The following ATG101 variants were observed in gnomAD, a reference collection of about 807,000 sequenced individuals.
The protein encoded by ATG101 is autophagy-related protein 101.
In ATG101, 6 loss-of-function variants were observed where a neutral mutation model predicts 16.7. The observed-to-expected ratio is 0.36, with a 90% CI of 0.20 to 0.71. The LOEUF is 0.71. Ranked by LOEUF, ATG101 falls within the 30% of genes least tolerant of loss-of-function variation. The pLI is 0.57. For missense variants in ATG101, 200 were observed against 292.5 expected, an observed-to-expected ratio of 0.68 and a Z score of 2.31; for synonymous variants, 108 against 118.1, an observed-to-expected ratio of 0.91 and a Z score of 0.56.
At position 52,077,288 on chromosome 12, in the gene ATG101, C is replaced by G. The variant is rs546790636; in HGVS notation, c.*98C>G. The G allele has an allele frequency of 7.3e-7, 1 of 1,372,962 alleles. No homozygotes were observed. The highest frequency in any genetic ancestry group is 2.2e-5 in the Admixed American group (1 of 44,996). 85.0% of individuals were successfully genotyped at this position (1,372,962 alleles called of 1,614,324 possible). On this transcript the variant is annotated 3_prime_UTR_variant, in exon 4 of 4. Coordinates refer to ENST00000336854, the MANE Select transcript of ATG101 (RefSeq NM_021934.5). ...TTGGGCTCTGGAACCTGCTCTGGGTCATTGGTGAGACTTGGAAGGGGCAGC... is the reference window on the plus strand; with the variant it reads ...TTGGGCTCTGGAACCTGCTCTGGGTGATTGGTGAGACTTGGAAGGGGCAGC...
chr12:52,076,697 A>T, intron 3 of ATG101, 89 bp from the exon 4 acceptor site: 1 of 1,443,068 alleles, frequency 6.9e-7, no homozygotes, highest in African/African-American at 1.4e-5. Flanking sequence ...TAGAGCTAAG[A>T]GAGCATAATT....
upstream of ATG101, among the ~76,000 whole-genome samples, chr12:52,068,012 C>T (rs1370266749): frequency 3.3e-5 from 5 of 151,172 alleles, no homozygotes; most frequent in South Asian, 6.3e-4. Flanking sequence ...TATCTATTAT[C>T]GTTTTGGGAA....
intron 3 of ATG101, among the ~76,000 whole-genome samples, chr12:52,076,357 A>C (rs185691860): frequency 3.9e-5 from 6 of 152,308 alleles, no homozygotes; most frequent in African/African-American, 1.2e-4. Context: ...TCCAGATTCA[A>C]ACCCTGGTCC....
At chr12:52,072,955 G>T (rs562168060) in intron 2 of ATG101, among the ~76,000 whole-genome samples, 12 of 152,082 alleles carry the variant, frequency 7.9e-5, no homozygotes, top group Admixed American at 2.6e-4. Context: ...TATATTTTTG[G>T]TAGAGATGGG....
upstream of ATG101, among the ~76,000 whole-genome samples, chr12:52,068,833 CA>C (rs1043755243): frequency 2.7e-5 from 4 of 150,522 alleles, no homozygotes; most frequent in East Asian, 5.9e-4. Flanking sequence ...AAAAAAAATA[CA>C]AAAAAAATTA....
upstream of ATG101, among the ~76,000 whole-genome samples, chr12:52,066,359 A>G (rs1215578809): frequency 1.3e-5 from 2 of 152,224 alleles, no homozygotes; most frequent in Non-Finnish European, 2.9e-5. Flanking sequence ...CCCCTTACTC[A>G]CTGAAGGGTC....
In ATG101 at chr12:52,073,838, C is replaced by G. The variant is rs776694968; in HGVS notation, c.188C>G (p.Thr63Ser). The change falls in exon 3 of 4, where the codon ACT becomes AGT. Residue 63 changes from threonine to serine, a missense_variant. Thr to Ser is a moderately conservative substitution (Grantham distance 58, BLOSUM62 1). Transcript: ENST00000336854. ...QDVDCDFIDF[T>S]YVRVSSEELD... ...GTTGACTGTGACTTCATCGACTTCA[C>G]TTATGTGCGTGTCTCTTCTGAGGAA... 1 of 1,614,242 alleles carries G rather than the reference C, an allele frequency of 6.2e-7. No homozygotes were observed. The highest frequency in any genetic ancestry group is 8.5e-7 in the Non-Finnish European group (1 of 1,180,040).
upstream of ATG101, among the ~76,000 whole-genome samples, chr12:52,067,004 G>A (rs942616239): frequency 1.3e-5 from 2 of 152,222 alleles, no homozygotes; most frequent in Non-Finnish European, 2.9e-5. Flanking sequence ...TCGCTGGTGT[G>A]TAGGGCAGGC....
At chr12:52,068,990 C>CAAAAAAAAAAAAAAAAA (rs869030833), upstream of ATG101, among the ~76,000 whole-genome samples, 1 of 33,518 alleles carries the variant, frequency 3.0e-5, no homozygotes, top group Non-Finnish European at 5.1e-5. Context: ...GACGCCGTCT[C>CAAAAAAAAAAAAAAAAA]AAAAAAAAAA....
intron 3 of ATG101, among the ~76,000 whole-genome samples, chr12:52,076,139 C>T (rs1939726361): frequency 6.6e-6 from 1 of 152,148 alleles, no homozygotes; most frequent in African/African-American, 2.4e-5. Context: ...GCCTGGGTGA[C>T]AGAGTAAGAC....
In ATG101 at chr12:52,077,226, C is replaced by T; in HGVS notation, c.*36C>T. 2 of 1,594,596 alleles carry T rather than the reference C, an allele frequency of 1.3e-6. No individual in the cohort carries two copies. The highest frequency in any genetic ancestry group is 1.7e-6 in the Non-Finnish European group (2 of 1,167,812). On this transcript the variant is annotated 3_prime_UTR_variant, in exon 4 of 4. Transcript: ENST00000336854. The stretch of plus-strand genomic sequence containing the variant: ...ATCTCTGGGAGCTCCTTGATGGCTC[C>T]CAGACCTTGGCTTTTGGGAATTGCA...
chr12:52,068,758 G>T (rs1246589982), upstream of ATG101, among the ~76,000 whole-genome samples: 1 of 151,828 alleles, frequency 6.6e-6, no homozygotes, highest in Non-Finnish European at 1.5e-5. Context: ...AGGCCGAGGC[G>T]GGCAGATCAC....
upstream of ATG101, among the ~76,000 whole-genome samples, chr12:52,066,182 G>T (rs1939548328): frequency 6.6e-6 from 1 of 152,150 alleles, no homozygotes; most frequent in African/African-American, 2.4e-5. Context: ...CGGCCGAGAG[G>T]GATTTATTAT....
At chr12:52,075,680 C>T (rs1939720131) in intron 3 of ATG101, among the ~76,000 whole-genome samples, 1 of 152,210 alleles carries the variant, frequency 6.6e-6, no homozygotes, top group Non-Finnish European at 1.5e-5. Context: ...TGGGGCCACT[C>T]ACACCCATGG....
chr12:52,074,634 A>C (rs1939704685), intron 3 of ATG101, among the ~76,000 whole-genome samples: 1 of 151,164 alleles, frequency 6.6e-6, no homozygotes, highest in Non-Finnish European at 1.5e-5. Flanking sequence ...CCACAGGTGT[A>C]CACCACCACC....
At chr12:52,076,420 A>G (rs1939731333) in intron 3 of ATG101, among the ~76,000 whole-genome samples, 2 of 152,204 alleles carry the variant, frequency 1.3e-5, no homozygotes, top group African/African-American at 4.8e-5. Flanking sequence ...TCTAAGCCTC[A>G]TCGTGCCTTG....
chr12:52,074,892 G>A (rs543930409), intron 3 of ATG101, among the ~76,000 whole-genome samples: 1 of 152,296 alleles, frequency 6.6e-6, no homozygotes, highest in Non-Finnish European at 1.5e-5. Flanking sequence ...CTAGGAATTC[G>A]AGACTGCAGT....
intron 3 of ATG101, among the ~76,000 whole-genome samples, chr12:52,074,961 A>G (rs1360217119): frequency 6.6e-6 from 1 of 151,798 alleles, no homozygotes; most frequent in Non-Finnish European, 1.5e-5. Flanking sequence ...CCTGTCTCCA[A>G]AAAAAAATAA....
chr12:52,076,198 A>G (rs908939645), intron 3 of ATG101, among the ~76,000 whole-genome samples: 3 of 152,152 alleles, frequency 2.0e-5, no homozygotes, highest in African/African-American at 7.2e-5. Flanking sequence ...TTGGCAGTGG[A>G]GAAGACAAAT....
Sources: allele counts gnomAD v4.1 joint callset (sites outside exome capture counted in the v4.1 genomes callset), GRCh38; gene constraint gnomAD v4.1.1; transcripts MANE v1.5; gene names NCBI Gene and HGNC (gene_info 2026-07-23, HGNC 2026-07-21).